The following PIP4K2B variants were observed in gnomAD, a reference collection of about 807,000 sequenced individuals.
PIP4K2B encodes phosphatidylinositol 5-phosphate 4-kinase type-2 beta.
PIP4K2B carries 3 observed loss-of-function variants against 42.0 expected under a neutral mutation model. The observed-to-expected ratio is 0.07, with a 90% CI of 0.03 to 0.18. The LOEUF (loss-of-function observed/expected upper bound fraction) is 0.18. Among genes scored for constraint, PIP4K2B ranks in the 10% least tolerant of loss-of-function variants. PIP4K2B has a pLI of 1.00. For synonymous variants in PIP4K2B, 204 were observed against 210.1 expected, an observed-to-expected ratio of 0.97 and a Z score of 0.25; for missense variants, 332 against 562.3, an observed-to-expected ratio of 0.59 and a Z score of 4.14.
intron 7 of PIP4K2B, among the ~76,000 whole-genome samples, chr17:38,775,812 C>T (rs1036498515): frequency 5.3e-5 from 8 of 151,760 alleles, no homozygotes; most frequent in East Asian, 2.0e-4. Flanking sequence ...GAGCCGAGAT[C>T]GCACCACTGC....
At chr17:38,796,582 C>T (rs1181458855) in intron 1 of PIP4K2B, among the ~76,000 whole-genome samples, 4 of 152,186 alleles carry the variant, frequency 2.6e-5, no homozygotes, top group African/African-American at 9.7e-5. Flanking sequence ...CTCCTTGTTT[C>T]CTACACATTC....
Position 38,782,528 on chromosome 17 carries a change from A to C in PIP4K2B, c.354+1715T>G, listed in dbSNP as rs183647889. 4.9e-4 allele frequency among the ~76,000 whole-genome samples: 75 copies of C among 152,368 alleles called. 1 individual carries two copies. The East Asian group carries it at 0.012, about 25-fold the overall frequency. On this transcript the variant is annotated intron_variant, in intron 3 of 9. Transcript: ENST00000619039. ...AAGTTTCCAGAAAACCTCCAGCCCC[A>C]GTCAAGTCATGATTGAGTTCAGGGT...
At chr17:38,786,957 A>G (rs765653974) in intron 1 of PIP4K2B, 37 bp from the exon 2 acceptor site, 1 of 1,335,692 alleles carries the variant, frequency 7.5e-7, no homozygotes, top group Admixed American at 1.7e-5. Flanking sequence ...CTCAGCCAGG[A>G]GGCCACCTGC....
At chr17:38,773,950 G>C (rs1336115042) in intron 7 of PIP4K2B, among the ~76,000 whole-genome samples, 1 of 152,184 alleles carries the variant, frequency 6.6e-6, no homozygotes, top group Admixed American at 6.5e-5. Flanking sequence ...AGGGGGAGAG[G>C]GTAGAAAAGG....
At chr17:38,776,464 C>G (rs1025975239) in intron 7 of PIP4K2B, 10 of 296,700 alleles carry the variant, frequency 3.4e-5, no homozygotes, top group African/African-American at 2.0e-4. Flanking sequence ...ATACTTAATG[C>G]CACTCAACTA....
Position 38,799,440 on chromosome 17 carries a change from G to A in PIP4K2B, c.-16C>T. 3.2e-6 allele frequency: 5 copies of A among 1,562,198 alleles called. No individual in the cohort carries two copies. In the South Asian group the frequency reaches 4.6e-5, roughly 14 times the overall value. On this transcript the variant is annotated 5_prime_UTR_variant, in exon 1 of 10. Coordinates refer to ENST00000619039, the MANE Select transcript of PIP4K2B (RefSeq NM_003559.5). The surrounding 1 kb of genome is among the most constrained non-coding windows in gnomAD (Gnocchi z 4.4). ...TGGACGACATGCCCGGGGCGGCGGC[G>A]GCGGCGGCGAAAGAGGGGGGCGGCG...
At chr17:38,782,402 G>A (rs549981939) in intron 3 of PIP4K2B, among the ~76,000 whole-genome samples, 2 of 152,334 alleles carry the variant, frequency 1.3e-5, no homozygotes, top group South Asian at 4.1e-4. Context: ...GATGTGGTTA[G>A]ACAGCCCAGG....
In PIP4K2B at chr17:38,767,163, C is replaced by G. The variant is rs1908747718; in HGVS notation, c.*2528G>C. 1 of 152,190 alleles carries G rather than the reference C, an allele frequency of 6.6e-6. No homozygotes were observed. The highest frequency in any genetic ancestry group is 6.5e-5 in the Admixed American group (1 of 15,282). The allele number at this position is 152,190 out of a possible 1,614,324, so 9.4% of individuals were successfully genotyped here. On this transcript the variant is annotated 3_prime_UTR_variant, in exon 10 of 10. Coordinates refer to ENST00000619039, the MANE Select transcript of PIP4K2B (RefSeq NM_003559.5). Reference sequence around the variant, plus strand: ...TTCCCCTCCAATGCCCTCGACTGCCCAGTAAAAGAATGGCGGGACCCAAGG... The same window carrying G: ...TTCCCCTCCAATGCCCTCGACTGCCGAGTAAAAGAATGGCGGGACCCAAGG...
chr17:38,792,256 C>T (rs1349507367), intron 1 of PIP4K2B, among the ~76,000 whole-genome samples: 1 of 152,094 alleles, frequency 6.6e-6, no homozygotes, highest in Non-Finnish European at 1.5e-5. Flanking sequence ...TCAGGTGATT[C>T]TCCCATCTCA....
intron 1 of PIP4K2B, among the ~76,000 whole-genome samples, chr17:38,791,597 T>C (rs1910345958): frequency 6.7e-6 from 1 of 150,282 alleles, no homozygotes; most frequent in Non-Finnish European, 1.5e-5. Flanking sequence ...TTAGTAGAGA[T>C]GGGGTTTCTC....
intron 7 of PIP4K2B, chr17:38,776,171 T>C (rs1043371523): frequency 8.4e-6 from 3 of 355,316 alleles, no homozygotes; most frequent in East Asian, 1.7e-4. Context: ...GGTTTCTCCA[T>C]GTTGGTCAGG....
chr17:38,769,707 G>A lies in PIP4K2B; in HGVS notation c.1235C>T (p.Ser412Phe). The A allele has an allele frequency of 6.3e-7, 1 of 1,589,004 alleles. No individual in the cohort carries two copies. The highest frequency in any genetic ancestry group is 8.6e-7 in the Non-Finnish European group (1 of 1,157,062). Residue 412 changes from serine to phenylalanine, a missense_variant, in exon 10 of 10, where the codon TCC (serine) becomes TTC (phenylalanine). Transcript: ENST00000619039. The stretch of plus-strand genomic sequence containing the variant: ...AGAAGAGAACTACGTCAGGATGTTG[G>A]ACATAAACTCGTTGAAGCGTTTGGA... ...QYSKRFNEFM[S>F]NILT is the part of the protein sequence containing the mutation.
chr17:38,797,266 A>C (rs1849690351), intron 1 of PIP4K2B, among the ~76,000 whole-genome samples: 1 of 152,214 alleles, frequency 6.6e-6, no homozygotes. Flanking sequence ...ACCATCAGCT[A>C]TTGAGAAACT....
intron 7 of PIP4K2B, 75 bp downstream of exon 7, chr17:38,777,609 ATTC>A: frequency 1.0e-6 from 1 of 954,460 alleles, no homozygotes; most frequent in South Asian, 1.3e-5. Context: ...ACTGAATTCC[ATTC>A]TTCTTAAGGT....
At position 38,799,246 on chromosome 17, in the gene PIP4K2B, G is replaced by A; in HGVS notation, c.159+20C>T. ...GAGCGCGCGGGGCCGCGCTCAGAGGGGCGCGCAGGAGCTGGTTACCGTGTG... is the reference window on the plus strand; with the variant it reads ...GAGCGCGCGGGGCCGCGCTCAGAGGAGCGCGCAGGAGCTGGTTACCGTGTG... On this transcript the variant is annotated intron_variant, in intron 1 of 9. Coordinates refer to ENST00000619039, the MANE Select transcript of PIP4K2B (RefSeq NM_003559.5). The surrounding 1 kb of genome is among the most constrained non-coding windows in gnomAD (Gnocchi z 4.4). 1 of 1,574,498 alleles carries A rather than the reference G, an allele frequency of 6.4e-7. No individual in the cohort carries two copies. The highest frequency in any genetic ancestry group is 8.6e-7 in the Non-Finnish European group (1 of 1,163,340).
In PIP4K2B at chr17:38,769,626, C is replaced by A. The variant is rs1056340115; in HGVS notation, c.*65G>T. The A allele has an allele frequency of 1.1e-4, 103 of 945,078 alleles. No homozygotes were observed. The African/African-American group carries it at 1.5e-3, about 14-fold the overall frequency. The allele number at this position is 945,078 out of a possible 1,614,324, so 58.5% of individuals were successfully genotyped here. ...TCCCATCTAGCCCAAATACACCCTT[C>A]TCCCTAACTCCCGATCCCCGACCCC... On this transcript the variant is annotated 3_prime_UTR_variant, in exon 10 of 10. Coordinates refer to ENST00000619039, the MANE Select transcript of PIP4K2B (RefSeq NM_003559.5).
intron 2 of PIP4K2B, among the ~76,000 whole-genome samples, chr17:38,785,828 G>A: frequency 6.6e-6 from 1 of 152,226 alleles, no homozygotes; most frequent in East Asian, 1.9e-4. Context: ...GGACCCTGAA[G>A]GGGGTAGTGG....
intron 3 of PIP4K2B, 92 bp from the exon 4 acceptor site, chr17:38,780,696 A>G (rs1909655552): frequency 4.7e-6 from 6 of 1,287,264 alleles, no homozygotes; most frequent in Non-Finnish European, 6.5e-6. Context: ...ACTGCTTGAA[A>G]GCCAACAACA....
intron 1 of PIP4K2B, among the ~76,000 whole-genome samples, chr17:38,798,136 G>A (rs997834548): frequency 1.3e-5 from 2 of 152,124 alleles, no homozygotes; most frequent in African/African-American, 4.8e-5. Flanking sequence ...CTTTGTCATC[G>A]CTTGGTCTTG....
Sources: allele counts gnomAD v4.1 joint callset (sites outside exome capture counted in the v4.1 genomes callset), GRCh38; gene constraint gnomAD v4.1.1; non-coding constraint Gnocchi (gnomAD v3.1); transcripts MANE v1.5; gene names NCBI Gene and HGNC (gene_info 2026-07-23, HGNC 2026-07-21).